The following PTPRN2 variants were observed in gnomAD, a reference collection of about 807,000 sequenced individuals.
The protein encoded by PTPRN2 is protein tyrosine phosphatase receptor type N2.
A neutral mutation model predicts 118.8 loss-of-function variants in PTPRN2; 74 were observed. The ratio of observed to expected loss-of-function variants is 0.62; its 90% CI spans 0.52 to 0.76. The LOEUF (loss-of-function observed/expected upper bound fraction) is 0.76, where lower values mean the gene tolerates loss of function less well. Among genes scored for constraint, PTPRN2 ranks in the 30% least tolerant of loss-of-function variants. The pLI, the probability that PTPRN2 is intolerant of heterozygous loss-of-function variation, is 0.00. For synonymous variants in PTPRN2, 641 were observed against 608.0 expected (o/e 1.05, Z -0.80); for missense variants, 1,481 against 1,394.4 (o/e 1.06, Z -0.99).
chr7:158,503,436 A>G (rs746329486), intron 1 of PTPRN2, among the ~76,000 whole-genome samples: 2 of 152,232 alleles, frequency 1.3e-5, no homozygotes, highest in Non-Finnish European at 2.9e-5. Context: ...AAAAGAAAGC[A>G]GAAGAGGTGG....
chr7:157,978,631 C>T (rs1358838866), intron 11 of PTPRN2, among the ~76,000 whole-genome samples: 2 of 151,966 alleles, frequency 1.3e-5, no homozygotes, highest in African/African-American at 2.4e-5. Context: ...CAGAACTAGA[C>T]TTTGCTCAGA....
intron 6 of PTPRN2, among the ~76,000 whole-genome samples, chr7:158,142,274 C>G (rs1819458272): frequency 1.3e-5 from 2 of 152,210 alleles, no homozygotes; most frequent in Non-Finnish European, 2.9e-5. Flanking sequence ...GGGCAAGGAC[C>G]AGACACGGGC....
At chr7:157,838,914 G>A (rs1203974541) in intron 12 of PTPRN2, among the ~76,000 whole-genome samples, 1 of 128,916 alleles carries the variant, frequency 7.8e-6, no homozygotes, top group Non-Finnish European at 1.6e-5. Context: ...CTCTCGTAGT[G>A]GATGGCACGG....
In PTPRN2 at chr7:158,108,195, C is replaced by T. The variant is rs180802864; in HGVS notation, c.1643+2634G>A. Among the ~76,000 whole-genome samples, 204 of 152,020 alleles carry T rather than the reference C, an allele frequency of 1.3e-3. 1 individual carries two copies. The highest frequency in any genetic ancestry group is 4.8e-3 in the African/African-American group (197 of 41,450). On this transcript the variant is annotated intron_variant, in intron 10 of 22. Coordinates refer to ENST00000389418, the MANE Select transcript of PTPRN2 (RefSeq NM_002847.5). The stretch of plus-strand genomic sequence containing the variant: ...TGAGCCTGCCAATTAAAGCCCCATG[C>T]ACCTGCCACCTCTCACCTGGATCTC...
chr7:158,409,578 C>T (rs1813866649), intron 2 of PTPRN2, among the ~76,000 whole-genome samples: 1 of 152,164 alleles, frequency 6.6e-6, no homozygotes, highest in Non-Finnish European at 1.5e-5. Context: ...TAAAGCAGCT[C>T]AAACTCCGGC....
rs928553673 is a variant in PTPRN2, at chr7:157,618,326, T to G, written c.2344+3036A>C. On this transcript the variant is annotated intron_variant, in intron 15 of 22. Transcript: ENST00000389418. The surrounding 1 kb of genome is among the most constrained non-coding windows in gnomAD (Gnocchi z 4.2). Reference sequence around the variant, plus strand: ...AGGTGCAGAGGGAGGACTTGAAGGTTCCATCCCTAACAGAGGACAGCGTGG... The same window carrying G: ...AGGTGCAGAGGGAGGACTTGAAGGTGCCATCCCTAACAGAGGACAGCGTGG... 6.6e-6 allele frequency: 1 copy of G among 152,254 alleles called. No individual in the cohort carries two copies. The highest frequency in any genetic ancestry group is 2.4e-5 in the African/African-American group (1 of 41,426). 9.4% of individuals were successfully genotyped at this position (152,254 alleles called of 1,614,324 possible).
chr7:158,303,701 C>T (rs1280661603), intron 3 of PTPRN2, among the ~76,000 whole-genome samples: 1 of 152,196 alleles, frequency 6.6e-6, no homozygotes, highest in Non-Finnish European at 1.5e-5. Flanking sequence ...ACTGAAATCA[C>T]CTGGAGAATT....
chr7:158,149,044 C>T (rs112126982), intron 6 of PTPRN2, among the ~76,000 whole-genome samples: 1 of 89,784 alleles, frequency 1.1e-5, no homozygotes, highest in Non-Finnish European at 2.2e-5. Flanking sequence ...TTCCCTCTCA[C>T]TGACACCCCA....
chr7:158,334,388 C>A (rs1805153337), intron 2 of PTPRN2, among the ~76,000 whole-genome samples: 1 of 46,604 alleles, frequency 2.1e-5, no homozygotes, highest in Non-Finnish European at 4.2e-5. Flanking sequence ...TCACTCACAC[C>A]CACACTCTCA....
intron 3 of PTPRN2, among the ~76,000 whole-genome samples, chr7:158,237,854 G>A (rs2150843154): frequency 6.6e-6 from 1 of 152,272 alleles, no homozygotes; most frequent in African/African-American, 2.4e-5. Context: ...GGCAGACACA[G>A]CGCTTACATG....
rs73729677 is a variant in PTPRN2, at chr7:158,526,036, T to C, written c.113-36251A>G. Among the ~76,000 whole-genome samples, 5,223 of 152,288 alleles carry C rather than the reference T, an allele frequency of 0.034. 297 individuals are homozygous for C. The highest frequency in any genetic ancestry group is 0.11 in the African/African-American group (4,715 of 41,532). On this transcript the variant is annotated intron_variant, in intron 1 of 22. Transcript: ENST00000389418. The surrounding 1 kb of genome is among the most constrained non-coding windows in gnomAD (Gnocchi z 5.2). ...CCCAGCCCCTACTCTCCCCTCTGGC[T>C]GGCATTGTGCAGTCCTTCCTTCCTC... is the stretch of plus-strand genomic sequence containing the variant.
intron 12 of PTPRN2, among the ~76,000 whole-genome samples, chr7:157,789,507 A>T (rs1421895796): frequency 6.6e-6 from 1 of 152,218 alleles, no homozygotes; most frequent in Non-Finnish European, 1.5e-5. Context: ...TGCCGGAGAG[A>T]AAAGGGGCGG....
intron 12 of PTPRN2, among the ~76,000 whole-genome samples, chr7:157,770,056 C>T (rs1436895674): frequency 6.6e-6 from 1 of 152,238 alleles, no homozygotes. Context: ...CTTCCTTGGT[C>T]TCCGAGCCTC....
At chr7:157,663,696 C>G (rs917305295) in intron 13 of PTPRN2, among the ~76,000 whole-genome samples, 1 of 152,196 alleles carries the variant, frequency 6.6e-6, no homozygotes, top group African/African-American at 2.4e-5. Context: ...GTGGGGGAAG[C>G]CAGGAAGGAG....
chr7:158,202,244 C>T (rs767286404), intron 4 of PTPRN2, among the ~76,000 whole-genome samples: 19 of 152,124 alleles, frequency 1.2e-4, no homozygotes, highest in African/African-American at 4.3e-4. Context: ...AAAAGAAAAA[C>T]GATCACATTT....
chr7:157,823,428 T>C (rs934916909), intron 12 of PTPRN2, among the ~76,000 whole-genome samples: 2 of 152,256 alleles, frequency 1.3e-5, no homozygotes. Context: ...ACCTGGGCTG[T>C]GATTATGAGC....
intron 13 of PTPRN2, among the ~76,000 whole-genome samples, chr7:157,666,722 C>A (rs1796153982): frequency 6.6e-6 from 1 of 152,244 alleles, no homozygotes; most frequent in African/African-American, 2.4e-5. Context: ...AGAGCAGCTC[C>A]ACAGAGTTGT....
intron 2 of PTPRN2, among the ~76,000 whole-genome samples, chr7:158,460,363 T>C (rs1818892369): frequency 2.5e-5 from 1 of 40,480 alleles, no homozygotes; most frequent in Non-Finnish European, 5.8e-5. Context: ...GATCGGACTC[T>C]ATCTACATGT....
chr7:158,262,909 C>A (rs1158399961), intron 3 of PTPRN2, among the ~76,000 whole-genome samples: 2 of 148,118 alleles, frequency 1.4e-5, no homozygotes, highest in Non-Finnish European at 3.0e-5. Context: ...TGCAAACATT[C>A]ACACTGCACA....
Sources: gnomAD v4.1 joint callset for allele counts (sites outside exome capture counted in the v4.1 genomes callset) on GRCh38, gnomAD v4.1.1 for gene constraint, Gnocchi (gnomAD v3.1) non-coding constraint, MANE v1.5 for transcripts, NCBI Gene and HGNC (gene_info 2026-07-23, HGNC 2026-07-21) for gene names.